The following RTTN variants were observed in gnomAD, a reference collection of about 807,000 sequenced individuals.
RTTN encodes rotatin.
In RTTN, 182 loss-of-function variants were observed where a neutral mutation model predicts 269.2. The ratio of observed to expected loss-of-function variants is 0.68; its 90% CI spans 0.60 to 0.76. The LOEUF (loss-of-function observed/expected upper bound fraction) is 0.76, where lower values mean the gene tolerates loss of function less well. Ranked by LOEUF, RTTN falls within the 30% of genes least tolerant of loss-of-function variation. The pLI is 0.00. For synonymous variants in RTTN, 1,006 were observed against 963.5 expected (o/e 1.04, Z -0.82); for missense variants, 2,545 against 2,608.6 (o/e 0.98, Z 0.53).
intron 36 of RTTN, 116 bp from the exon 37 acceptor site, chr18:70,057,948 C>A: frequency 1.7e-6 from 1 of 597,934 alleles, no homozygotes; most frequent in Non-Finnish European, 2.8e-6. Context: ...GAGAAAGGAT[C>A]TTTATAAGCA....
intron 41 of RTTN, among the ~76,000 whole-genome samples, 199 bp downstream of exon 41, chr18:70,030,673 AAAAC>A (rs1481491063): frequency 6.6e-6 from 1 of 152,232 alleles, no homozygotes; most frequent in East Asian, 1.9e-4. Flanking sequence ...TAAACAAACA[AAAAC>A]AAACTATGTC....
chr18:70,044,929 T>C (rs1356094789), intron 40 of RTTN, among the ~76,000 whole-genome samples: 3 of 152,166 alleles, frequency 2.0e-5, no homozygotes, highest in East Asian at 1.9e-4. Context: ...CAGTCAACCA[T>C]GAGTAACTGA....
intron 23 of RTTN, among the ~76,000 whole-genome samples, chr18:70,132,902 A>AT (rs2060032666): frequency 6.6e-6 from 1 of 152,120 alleles, no homozygotes; most frequent in Non-Finnish European, 1.5e-5. Flanking sequence ...ACGGACAAAC[A>AT]TGATATTGAG....
In RTTN at chr18:70,086,694, TAAAAAAAAAAAAAAAAAA is replaced by T. The variant is rs531741265; in HGVS notation, c.4303-28_4303-11del. 0.024 allele frequency: 11,417 copies of T among 483,796 alleles called. 32 individuals carry two copies. Among genetic ancestry groups the T allele is most frequent in the East Asian group, 0.041 (1,149 of 28,226 alleles). The allele number at this position is 483,796 out of a possible 1,614,324, so 30.0% of individuals were successfully genotyped here. On this transcript the variant is annotated splice_polypyrimidine_tract_variant and intron_variant, in intron 31 of 48. Coordinates refer to ENST00000640769, the MANE Select transcript of RTTN (RefSeq NM_173630.4). ...GAAGAATAAATGCCGCCTGAAAATG[TAAAAAAAAAAAAAAAAAA>T]AAAAAAAAAAAAAAAAAAAAAGGTC... is the stretch of plus-strand genomic sequence containing the variant.
chr18:70,052,470 T>C (rs2057698035), intron 38 of RTTN, among the ~76,000 whole-genome samples: 2 of 152,278 alleles, frequency 1.3e-5, no homozygotes, highest in South Asian at 4.1e-4. Context: ...TATCTGTACT[T>C]TGTACATAAA....
intron 7 of RTTN, chr18:70,194,514 C>T (rs867474290): frequency 6.6e-6 from 1 of 152,242 alleles, no homozygotes; most frequent in Non-Finnish European, 1.5e-5. Flanking sequence ...CCAATGTTCA[C>T]TGAAGCATTA....
chr18:70,074,140 T>TA, intron 33 of RTTN, 146 bp from the exon 34 acceptor site: 3 of 461,858 alleles, frequency 6.5e-6, no homozygotes, highest in South Asian at 3.2e-5. Flanking sequence ...AGACCACTAT[T>TA]TAAAAAAAAA....
Position 70,020,738 on chromosome 18 carries a change from C to A in RTTN, c.6030G>T (p.Leu2010=). The change falls in exon 45 of 49, where the codon CTG becomes CTT. Residue 2010 remains leucine, a synonymous_variant. Transcript: ENST00000640769. ...ATHRGAVSNS[L]MLCILKLASQ... is the part of the protein sequence containing the mutation. ...AAGCCAACTTTAGGATACACAGCATCAGAGAGTTGCTCACGGCTCCTCTAT... is the reference window on the plus strand; with the variant it reads ...AAGCCAACTTTAGGATACACAGCATAAGAGAGTTGCTCACGGCTCCTCTAT... The A allele has an allele frequency of 2.5e-6, 4 of 1,614,090 alleles. No homozygotes were observed. Among genetic ancestry groups the A allele is most frequent in the Non-Finnish European group, 3.4e-6 (4 of 1,179,942 alleles).
At chr18:70,010,258 C>A (rs536749328) in intron 46 of RTTN, among the ~76,000 whole-genome samples, 2 of 152,190 alleles carry the variant, frequency 1.3e-5, no homozygotes, top group African/African-American at 4.8e-5. Flanking sequence ...CTACAGAACA[C>A]TCCACCCCAA....
chr18:70,109,702 A>C lies in RTTN; in HGVS notation c.3699T>G (p.Leu1233=). ...MEVTDRKCSE[L]LYVFQTQLAL... Reference sequence around the variant, plus strand: ...CCAGCTGCGTTTGAAAAACGTAAAGAAGTTCCGAGCATTTCCTATGTATGC... The same window carrying C: ...CCAGCTGCGTTTGAAAAACGTAAAGCAGTTCCGAGCATTTCCTATGTATGC... Residue 1233 remains leucine, a synonymous_variant, in exon 28 of 49, where the codon CTT becomes CTG. Coordinates refer to ENST00000640769, the MANE Select transcript of RTTN (RefSeq NM_173630.4). The C allele has an allele frequency of 6.2e-7, 1 of 1,614,132 alleles. No individual in the cohort carries two copies. Among genetic ancestry groups the C allele is most frequent in the Admixed American group, 1.7e-5 (1 of 60,028 alleles).
rs1488031240 is a variant in RTTN at position 70,205,655 on chromosome 18, C to T, written c.4G>A (p.Val2Ile). The T allele has an allele frequency of 6.2e-7, 1 of 1,614,000 alleles. No homozygotes were observed. The highest frequency in any genetic ancestry group is 8.5e-7 in the Non-Finnish European group (1 of 1,180,040). Residue 2 changes from valine to isoleucine, a missense_variant, in exon 1 of 49, where the codon GTC becomes ATC. Coordinates refer to ENST00000640769, the MANE Select transcript of RTTN (RefSeq NM_173630.4). Reference protein sequence around the residue: MVLAGLIRKLGH... With the variant: MILAGLIRKLGH... ...AGTTTCCTGATGAGCCCTGCCAGGACCATCTCGTCCCGTCAATCTGCAGCC... is the reference window on the plus strand; with the variant it reads ...AGTTTCCTGATGAGCCCTGCCAGGATCATCTCGTCCCGTCAATCTGCAGCC...
chr18:70,164,357 A>G (rs1185665256), intron 14 of RTTN, among the ~76,000 whole-genome samples: 1 of 151,506 alleles, frequency 6.6e-6, no homozygotes. Context: ...GACTACAGGC[A>G]CATGCCACCA....
intron 14 of RTTN, among the ~76,000 whole-genome samples, chr18:70,157,717 G>T (rs1380927290): frequency 6.6e-6 from 1 of 152,116 alleles, no homozygotes; most frequent in South Asian, 2.1e-4. Flanking sequence ...CCAGTAAAAT[G>T]GTGGTTTGAT....
chr18:70,166,991 T>G lies in RTTN; in HGVS notation c.1730A>C (p.Gln577Pro). The change falls in exon 13 of 49, where the codon CAA becomes CCA. Residue 577 changes from glutamine (Q) to proline (P), a missense_variant. Transcript: ENST00000640769. The part of the protein sequence containing the change: ...NLLELVELAD[Q>P]ALRSFSYHQH... ...ATGATAGGAAAAGCTACGCAAGGCT[T>G]GGTCTGCCAGCTCCACTAATTCTAA... The G allele has an allele frequency of 6.2e-7, 1 of 1,613,762 alleles. No individual in the cohort carries two copies.
chr18:70,089,166 G>C (rs72959895), intron 30 of RTTN, among the ~76,000 whole-genome samples: 7 of 152,282 alleles, frequency 4.6e-5, no homozygotes, highest in Non-Finnish European at 1.0e-4. Context: ...CTCAAGACTC[G>C]TATGTTGAAG....
intron 27 of RTTN, among the ~76,000 whole-genome samples, chr18:70,113,695 T>C (rs778649868): frequency 3.3e-5 from 5 of 152,204 alleles, no homozygotes; most frequent in Non-Finnish European, 4.4e-5. Flanking sequence ...TATCTATAAA[T>C]AGAATATTAT....
rs1464977508 is a variant in RTTN at position 70,196,565 on chromosome 18, C to T, written c.777G>A (p.Leu259=). The part of the protein sequence containing the change: ...ALQSVSCLQQ[L]CMYLRNRLNF... ...TAAGTCTGTTTCTTAAATACATGCACAGCTGCTGCAGGCAGGACACCGACT... is the reference window on the plus strand; with the variant it reads ...TAAGTCTGTTTCTTAAATACATGCATAGCTGCTGCAGGCAGGACACCGACT... Residue 259 remains leucine, a synonymous_variant, in exon 7 of 49, where the codon CTG becomes CTA. Transcript: ENST00000640769. The T allele has an allele frequency of 1.5e-5, 24 of 1,612,878 alleles. No homozygotes were observed. Among genetic ancestry groups the T allele is most frequent in the Non-Finnish European group, 2.0e-5 (24 of 1,179,674 alleles).
rs1471618635 is a variant in RTTN at position 70,109,569 on chromosome 18, C to A, written c.3832G>T (p.Gly1278Ter). ...RGMANLTAFP[G>*]WSSHSPLTKP... ...GTGAGAGGAGAGTGTGAGCTCCATCCCGGAAACGCAGTGAGGTTAGCCATC... is the reference window on the plus strand; with the variant it reads ...GTGAGAGGAGAGTGTGAGCTCCATCACGGAAACGCAGTGAGGTTAGCCATC... Residue 1278 changes from glycine to a stop codon, truncating the protein, a stop_gained, in exon 28 of 49, where the codon GGA (glycine) becomes TGA (stop). Transcript: ENST00000640769. LOFTEE classifies it high-confidence loss of function. 1.2e-6 allele frequency: 2 copies of A among 1,613,822 alleles called. No homozygotes were observed. Among genetic ancestry groups the A allele is most frequent in the South Asian group, 1.1e-5 (1 of 91,052 alleles).
chr18:70,201,805 G>A (rs181253058), intron 4 of RTTN, 89 bp downstream of exon 4: 12 of 749,400 alleles, frequency 1.6e-5, no homozygotes, highest in Admixed American at 8.1e-5. Flanking sequence ...ATTCAAGTTT[G>A]GTAAAAATAC....
Sources: gnomAD v4.1 joint callset for allele counts (sites outside exome capture counted in the v4.1 genomes callset) on GRCh38, gnomAD v4.1.1 for gene constraint, MANE v1.5 for transcripts, NCBI Gene and HGNC (gene_info 2026-07-23, HGNC 2026-07-21) for gene names.